The following PNN variants were observed in gnomAD, a reference collection of about 807,000 sequenced individuals.
PNN encodes the protein pinin.
PNN carries 38 observed loss-of-function variants against 76.6 expected under a neutral mutation model. The ratio of observed to expected loss-of-function variants is 0.50; its 90% CI spans 0.38 to 0.65. PNN has a LOEUF of 0.65. Among genes scored for constraint, PNN ranks in the 30% least tolerant of loss-of-function variants. The pLI is 0.00. For missense variants in PNN, 873 were observed against 874.1 expected, an observed-to-expected ratio of 1.00 and a Z score of 0.02; for synonymous variants, 366 against 283.7, an observed-to-expected ratio of 1.29 and a Z score of -2.91.
At position 39,177,683 on chromosome 14, in the gene PNN, C is replaced by A; in HGVS notation, c.418C>A (p.Gln140Lys). 6.2e-7 allele frequency: 1 copy of A among 1,604,552 alleles called. No individual in the cohort carries two copies. Among genetic ancestry groups the A allele is most frequent in the Non-Finnish European group, 8.5e-7 (1 of 1,171,308 alleles). Residue 140 changes from glutamine (Q) to lysine (K), a missense_variant, in exon 5 of 9, where the codon CAA (glutamine) becomes AAA (lysine). Around this residue, in one of 3 missense-constraint regions of PNN, gnomAD observed 712 missense variants for 693.1 expected, o/e 1.03. Transcript: ENST00000216832. The stretch of plus-strand genomic sequence containing the variant: ...TCAAAATATGGATGAAAAGGGAAAG[C>A]AAAGGTATTTCCCTGGGGGAAAAAA... ...QDQNMDEKGK[Q>K]RNRRIFGLLM...
Position 39,179,149 on chromosome 14 carries a change from A to G in PNN, c.557A>G (p.Lys186Arg), listed in dbSNP as rs377279659. The change falls in exon 7 of 9, where the codon AAG becomes AGG. Residue 186 changes from lysine (K) to arginine (R), a missense_variant. Lys to Arg is a conservative substitution (Grantham distance 26). This residue lies in a region of PNN where 712 missense variants were observed against 693.1 expected (regional missense o/e 1.03). Coordinates refer to ENST00000216832, the MANE Select transcript of PNN (RefSeq NM_002687.4). Reference protein sequence around the residue: ...KLEVQAEEERKQVENERRELF... With the variant: ...KLEVQAEEERRQVENERRELF... The stretch of plus-strand genomic sequence containing the variant: ...GAAGTTCAGGCAGAAGAAGAGAGAA[A>G]GCAGGTTGAAAATGAAAGGAGAGAA... 2.5e-5 allele frequency: 41 copies of G among 1,613,968 alleles called. No homozygotes were observed. In the African/African-American group the frequency reaches 4.9e-4, roughly 19 times the overall value.
rs758147234 is a variant in PNN, at chr14:39,181,733, C to G, written c.2024C>G (p.Thr675Arg). The G allele has an allele frequency of 6.2e-6, 10 of 1,614,046 alleles. No homozygotes were observed. The South Asian group carries it at 9.9e-5, about 16-fold the overall frequency. The stretch of plus-strand genomic sequence containing the variant: ...TCAAAAGGTGGTAGTAGTAGAGATA[C>G]AAAAGGATCAAAGGATAAGAATTCC... ...KSSKGGSSRD[T>R]KGSKDKNSRS... The change falls in exon 9 of 9, where the codon ACA becomes AGA. Residue 675 changes from threonine to arginine, a missense_variant. Physicochemically the swap from Thr to Arg is moderately conservative, Grantham distance 71. Transcript: ENST00000216832.
intron 8 of PNN, among the ~76,000 whole-genome samples, chr14:39,180,052 G>A (rs2053258224): frequency 6.6e-6 from 1 of 151,902 alleles, no homozygotes; most frequent in African/African-American, 2.4e-5. Context: ...TTTTTTGCAT[G>A]CTATTATTGT....
At position 39,177,874 on chromosome 14, in the gene PNN, C is replaced by G. The variant is rs1195507994; in HGVS notation, c.456C>G (p.Thr152=). ...GAATATTTGGCTTGTTGATGGGTAC[C>G]CTTCAAAAATTTAAACAAGAATCCA... ...NRRIFGLLMG[T]LQKFKQESTV... The change falls in exon 6 of 9, where the codon ACC becomes ACG. Residue 152 remains threonine, a synonymous_variant. Transcript: ENST00000216832. 1 of 1,612,466 alleles carries G rather than the reference C, an allele frequency of 6.2e-7. No individual in the cohort carries two copies. Among genetic ancestry groups the G allele is most frequent in the Non-Finnish European group, 8.5e-7 (1 of 1,178,856 alleles).
chr14:39,178,442 G>A (rs1345050367), intron 6 of PNN, among the ~76,000 whole-genome samples: 1 of 152,042 alleles, frequency 6.6e-6, no homozygotes, highest in East Asian at 1.9e-4. Context: ...GGAGGCAAGA[G>A]AATCACTTGA....
At chr14:39,177,550 AC>A (rs1566557584) in intron 4 of PNN, 42 bp from the exon 5 acceptor site, 2 of 1,591,900 alleles carry the variant, frequency 1.3e-6, no homozygotes, top group South Asian at 2.2e-5. Context: ...AAAGCACACC[AC>A]TCATATGCTA....
rs2053234655 is a variant in PNN, at chr14:39,177,292, AG to A, written c.255-118del. On this transcript the variant is annotated intron_variant, in intron 3 of 8. Transcript: ENST00000216832. ...TCCCAGCTGCTTGGGAGGATGAGGC[AG>A]GAGGATCACTTGAGCCTGGGAGGTC... The A allele has an allele frequency of 1.6e-5, 12 of 738,362 alleles. No homozygotes were observed. In the South Asian group the frequency reaches 2.1e-4, roughly 13 times the overall value. 45.7% of individuals were successfully genotyped at this position (738,362 alleles called of 1,614,324 possible).
rs781082409 is a variant in PNN at position 39,180,660 on chromosome 14, A to G, written c.951A>G (p.Glu317=). ...AGGGTAAGGTGGCTCAGCGAGAGGAAGAGTTGGAGGAGACAGGTAATCAGC... is the reference window on the plus strand; with the variant it reads ...AGGGTAAGGTGGCTCAGCGAGAGGAGGAGTTGGAGGAGACAGGTAATCAGC... The part of the protein sequence containing the change: ...QEEGKVAQRE[E]ELEETGNQHN... Residue 317 remains glutamate, a synonymous_variant, in exon 9 of 9, where the codon GAA becomes GAG. Transcript: ENST00000216832. 4 of 1,612,852 alleles carry G rather than the reference A, an allele frequency of 2.5e-6. No homozygotes were observed. Among genetic ancestry groups the G allele is most frequent in the Admixed American group, 1.7e-5 (1 of 59,696 alleles).
chr14:39,177,553 CAT>C (rs1160928061), intron 4 of PNN, 38 bp from the exon 5 acceptor site: 7 of 1,589,156 alleles, frequency 4.4e-6, no homozygotes, highest in African/African-American at 1.3e-5. Context: ...GCACACCACT[CAT>C]ATGCTAGTTA....
chr14:39,180,984 G>A lies in PNN; in HGVS notation c.1275G>A (p.Leu425=), dbSNP rs2139404081. 1.2e-6 allele frequency: 2 copies of A among 1,613,498 alleles called. No individual in the cohort carries two copies. Among genetic ancestry groups the A allele is most frequent in the Non-Finnish European group, 8.5e-7 (1 of 1,179,796 alleles). ...EPSENEASKE[L]EPEMEFEIEP... The stretch of plus-strand genomic sequence containing the variant: ...CAGAAAATGAAGCTAGCAAAGAATT[G>A]GAACCAGAAATGGAATTTGAAATTG... Residue 425 remains leucine (L), a synonymous_variant, in exon 9 of 9, where the codon TTG becomes TTA. Coordinates refer to ENST00000216832, the MANE Select transcript of PNN (RefSeq NM_002687.4).
chr14:39,181,895 T>C lies in PNN; in HGVS notation c.*32T>C. ...AAGCCAGGCTTTCTTAGCCATTCTT[T>C]GCAGCAGAAGATTTCTTGATAAAAA... On this transcript the variant is annotated 3_prime_UTR_variant, in exon 9 of 9. Transcript: ENST00000216832. 1 of 1,528,822 alleles carries C rather than the reference T, an allele frequency of 6.5e-7. No homozygotes were observed. Among genetic ancestry groups the C allele is most frequent in the Non-Finnish European group, 8.7e-7 (1 of 1,147,024 alleles). The allele number at this position is 1,528,822 out of a possible 1,614,324, so 94.7% of individuals were successfully genotyped here.
chr14:39,181,214 C>G lies in PNN; in HGVS notation c.1505C>G (p.Pro502Arg). The part of the protein sequence containing the change: ...PVLQSQPPSQ[P>R]EDLSLAVLQP... ...CTCCAGTCCCAGCCTCCCTCTCAGC[C>G]TGAGGATTTGTCATTAGCTGTTTTA... Residue 502 changes from proline (P) to arginine (R), a missense_variant, in exon 9 of 9, where the codon CCT becomes CGT. Coordinates refer to ENST00000216832, the MANE Select transcript of PNN (RefSeq NM_002687.4). The G allele has an allele frequency of 1.2e-6, 2 of 1,613,846 alleles. No individual in the cohort carries two copies. Among genetic ancestry groups the G allele is most frequent in the Non-Finnish European group, 1.7e-6 (2 of 1,179,744 alleles).
Position 39,181,129 on chromosome 14 carries a change from G to C in PNN, c.1420G>C (p.Ala474Pro). The C allele has an allele frequency of 6.2e-7, 1 of 1,611,772 alleles. No homozygotes were observed. Among genetic ancestry groups the C allele is most frequent in the East Asian group, 2.2e-5 (1 of 44,882 alleles). The change falls in exon 9 of 9, where the codon GCT (alanine) becomes CCT (proline). Residue 474 changes from alanine (A) to proline (P), a missense_variant. This residue lies in a region of PNN where 712 missense variants were observed against 693.1 expected (regional missense o/e 1.03). Coordinates refer to ENST00000216832, the MANE Select transcript of PNN (RefSeq NM_002687.4). Reference sequence around the variant, plus strand: ...ATCTGAGCCCCAACCTGAGCCTGTGGCTCAACCTCAGCCTCAGTCTCAGCC... The same window carrying C: ...ATCTGAGCCCCAACCTGAGCCTGTGCCTCAACCTCAGCCTCAGTCTCAGCC... ...KESEPQPEPV[A>P]QPQPQSQPQL... is the part of the protein sequence containing the mutation.
rs781727662 is a variant in PNN at position 39,179,395 on chromosome 14, T to G, written c.726T>G (p.Phe242Leu). The G allele has an allele frequency of 1.2e-6, 2 of 1,612,634 alleles. No individual in the cohort carries two copies. Among genetic ancestry groups the G allele is most frequent in the South Asian group, 2.2e-5 (2 of 91,036 alleles). The change falls in exon 8 of 9, where the codon TTT (phenylalanine) becomes TTG (leucine). Residue 242 changes from phenylalanine to leucine, a missense_variant. By Grantham distance (22) the Phe-to-Leu change is conservative (BLOSUM62 0). Transcript: ENST00000216832. ...GAACTAAGACAAAGCCCCATTTGTT[T>G]TATATTCCTGGAAGAATGTGTCCAG... is the stretch of plus-strand genomic sequence containing the variant. ...YIRTKTKPHL[F>L]YIPGRMCPAT...
chr14:39,182,072 C>T lies in PNN; in HGVS notation c.*209C>T, dbSNP rs1044232100. On this transcript the variant is annotated 3_prime_UTR_variant, in exon 9 of 9. Coordinates refer to ENST00000216832, the MANE Select transcript of PNN (RefSeq NM_002687.4). ...TATTTATCAAAATTATGTGAGGTTCCAAAATATGTAAAAATGATAATAATA... is the reference window on the plus strand; with the variant it reads ...TATTTATCAAAATTATGTGAGGTTCTAAAATATGTAAAAATGATAATAATA... 2.2e-6 allele frequency: 1 copy of T among 460,840 alleles called. No individual in the cohort carries two copies. Among genetic ancestry groups the T allele is most frequent in the Non-Finnish European group, 3.8e-6 (1 of 264,484 alleles). 28.5% of individuals were successfully genotyped at this position (460,840 alleles called of 1,614,324 possible).
intron 8 of PNN, among the ~76,000 whole-genome samples, chr14:39,179,980 T>C (rs979518227): frequency 1.3e-5 from 2 of 152,156 alleles, no homozygotes; most frequent in Admixed American, 6.5e-5. Flanking sequence ...TGGAGTTTAA[T>C]GTGAAAGTTA....
chr14:39,177,336 TG>T (rs2053235234), intron 3 of PNN, 75 bp from the exon 4 acceptor site: 6 of 1,175,620 alleles, frequency 5.1e-6, no homozygotes, highest in Non-Finnish European at 7.4e-6. Context: ...CAGTGAACCG[TG>T]GTGGCACCAC....
intron 6 of PNN, among the ~76,000 whole-genome samples, chr14:39,178,739 AAAAAAAAT>A (rs1234224166): frequency 6.7e-4 from 102 of 151,130 alleles, no homozygotes; most frequent in African/African-American, 2.3e-3. Flanking sequence ...AAAAAAAAAA[AAAAAAAAT>A]TTTTTTTGAG....
intron 3 of PNN, among the ~76,000 whole-genome samples, chr14:39,177,035 G>A (rs2053232087): frequency 6.6e-6 from 1 of 152,238 alleles, no homozygotes; most frequent in African/African-American, 2.4e-5. Context: ...ACGAGTCCTA[G>A]AAGAGAGGGC....
Sources: gnomAD v4.1 joint callset for allele counts (sites outside exome capture counted in the v4.1 genomes callset) on GRCh38, gnomAD v4.1.1 for gene constraint, gnomAD v4.1.1 regional missense constraint, MANE v1.5 for transcripts, NCBI Gene and HGNC (gene_info 2026-07-23, HGNC 2026-07-21) for gene names.